The following SYNE2 variants were observed in gnomAD, a reference collection of about 807,000 sequenced individuals.
The protein encoded by SYNE2 is spectrin repeat containing nuclear envelope protein 2, also known as nesprin-2.
Under a neutral mutation model 856.3 loss-of-function variants are expected in SYNE2, and 431 were observed. The observed-to-expected ratio is 0.50, with a 90% CI of 0.47 to 0.55. The LOEUF (loss-of-function observed/expected upper bound fraction) is 0.55, where lower values mean the gene tolerates loss of function less well. Among genes scored for constraint, SYNE2 ranks in the 20% least tolerant of loss-of-function variants. The pLI is 0.00. For synonymous variants in SYNE2, 2,923 were observed against 2,872.3 expected (o/e 1.02, Z -0.56); for missense variants, 8,129 against 8,023.2 (o/e 1.01, Z -0.50).
At chr14:64,088,429 G>C (rs1244405308) in intron 58 of SYNE2, among the ~76,000 whole-genome samples, 1 of 152,132 alleles carries the variant, frequency 6.6e-6, no homozygotes, top group East Asian at 1.9e-4. Flanking sequence ...AAATACTACT[G>C]ATTTTTAAAT....
At chr14:64,167,724 T>A (rs2098388540) in intron 92 of SYNE2, 85 bp downstream of exon 92, 3 of 1,580,196 alleles carry the variant, frequency 1.9e-6, no homozygotes, top group Non-Finnish European at 2.6e-6. Context: ...ACACAGGGAG[T>A]GTACCTATCA....
chr14:64,070,884 T>C lies in SYNE2; in HGVS notation c.10671T>C (p.Ile3557=). 6.2e-7 allele frequency: 1 copy of C among 1,614,180 alleles called. No homozygotes were observed. ...AVETVPAFQE[I]TSMKERCNKL... ...AAACTGTTCCAGCATTTCAAGAAAT[T>C]ACTTCTATGAAAGAACGATGCAACA... is the stretch of plus-strand genomic sequence containing the variant. Residue 3557 remains isoleucine (I), a synonymous_variant, in exon 52 of 116, where the codon ATT becomes ATC. Transcript: ENST00000555002.
At chr14:63,821,564 G>A (rs1053060233) in intron 1 of SYNE2, among the ~76,000 whole-genome samples, 7 of 151,668 alleles carry the variant, frequency 4.6e-5, no homozygotes, top group African/African-American at 7.3e-5. Flanking sequence ...GACCAGCCTG[G>A]CCAACATGGT....
intron 1 of SYNE2, among the ~76,000 whole-genome samples, chr14:63,855,346 A>C (rs35168922): frequency 6.6e-6 from 1 of 152,058 alleles, no homozygotes; most frequent in African/African-American, 2.4e-5. Context: ...TTGGCTTCCT[A>C]TGTCTCTCTG....
intron 103 of SYNE2, 104 bp downstream of exon 103, chr14:64,210,228 CT>C: frequency 7.2e-7 from 1 of 1,396,924 alleles, no homozygotes; most frequent in Non-Finnish European, 9.7e-7. Context: ...GAAGGTTTCA[CT>C]TCAGGCCTGA....
chr14:64,078,681 G>C, intron 55 of SYNE2, 75 bp downstream of exon 55: 3 of 1,553,826 alleles, frequency 1.9e-6, no homozygotes, highest in Non-Finnish European at 2.7e-6. Context: ...AGTCACCACA[G>C]GGTGAGTTCT....
intron 7 of SYNE2, among the ~76,000 whole-genome samples, chr14:63,952,123 C>T (rs2096171485): frequency 6.6e-6 from 1 of 152,158 alleles, no homozygotes; most frequent in African/African-American, 2.4e-5. Flanking sequence ...ATGAATCAGG[C>T]CCCGTTCTCC....
intron 80 of SYNE2, among the ~76,000 whole-genome samples, chr14:64,140,843 G>T (rs1389788004): frequency 6.6e-6 from 1 of 151,534 alleles, no homozygotes; most frequent in East Asian, 1.9e-4. Flanking sequence ...ATTACAAAAT[G>T]ATTATTGGTC....
intron 89 of SYNE2, among the ~76,000 whole-genome samples, chr14:64,164,066 C>T (rs2098352653): frequency 6.6e-6 from 1 of 151,414 alleles, no homozygotes; most frequent in Non-Finnish European, 1.5e-5. Flanking sequence ...ACTACAGGCA[C>T]CCACCACCAC....
At chr14:64,084,340 C>T (rs1220854152) in intron 57 of SYNE2, 2 of 152,212 alleles carry the variant, frequency 1.3e-5, no homozygotes, top group Non-Finnish European at 2.9e-5. Flanking sequence ...TAACCACCAC[C>T]GCCATCAATA....
intron 1 of SYNE2, among the ~76,000 whole-genome samples, chr14:63,905,061 T>C (rs2095390816): frequency 2.6e-5 from 4 of 152,226 alleles, no homozygotes; most frequent in Admixed American, 2.6e-4. Context: ...ATTTATTGAA[T>C]AGGGAGTCAT....
At position 63,858,258 on chromosome 14, in the gene SYNE2, C is replaced by T. The variant is rs559682531; in HGVS notation, c.-52+5115C>T. Among the ~76,000 whole-genome samples, 9 of 131,976 alleles carry T rather than the reference C, an allele frequency of 6.8e-5. No individual in the cohort carries two copies. The East Asian group carries it at 6.9e-4, about 10-fold the overall frequency. The allele number at this position is 131,976 out of a possible 152,430, so 86.6% of individuals were successfully genotyped here. A position where few individuals can be genotyped will look rare whatever the true frequency, so the allele number is the denominator to read the frequency against. On this transcript the variant is annotated intron_variant, in intron 1 of 115. Coordinates refer to ENST00000555002, the MANE Select transcript of SYNE2 (RefSeq NM_182914.3). ...GGATTACAGGTGTGCGTCTCCACAC[C>T]GGCCTTTTTTTTTTTTTTTTTTTTT...
At chr14:63,980,782 A>T in intron 15 of SYNE2, 50 bp downstream of exon 15, 1 of 1,309,168 alleles carries the variant, frequency 7.6e-7, no homozygotes, top group South Asian at 1.2e-5. Context: ...CTTAACAGTG[A>T]TGTTTTATCT....
intron 45 of SYNE2, among the ~76,000 whole-genome samples, chr14:64,038,781 C>G (rs890512945): frequency 3.3e-5 from 5 of 152,216 alleles, no homozygotes; most frequent in African/African-American, 7.2e-5. Flanking sequence ...GCAGTGAGCC[C>G]AGATGGCAGC....
At chr14:63,982,908 C>A in intron 17 of SYNE2, 114 bp downstream of exon 17, 1 of 1,050,532 alleles carries the variant, frequency 9.5e-7, no homozygotes, top group Non-Finnish European at 1.4e-6. Flanking sequence ...GTTACGTAGC[C>A]ATTACCATAA....
rs761001329 is a variant in SYNE2 at position 64,070,855 on chromosome 14, G to A, written c.10642G>A (p.Val3548Met). ...GAATGTTCCTGAAAGCTCAGGGGCTGTGGAAACTGTTCCAGCATTTCAAGA... is the reference window on the plus strand; with the variant it reads ...GAATGTTCCTGAAAGCTCAGGGGCTATGGAAACTGTTCCAGCATTTCAAGA... ...IQNVPESSGA[V>M]ETVPAFQEIT... is the part of the protein sequence containing the mutation. The change falls in exon 52 of 116, where the codon GTG becomes ATG. Residue 3548 changes from valine to methionine, a missense_variant. Transcript: ENST00000555002. 2.5e-6 allele frequency: 4 copies of A among 1,614,056 alleles called. No homozygotes were observed. The highest frequency in any genetic ancestry group is 4.5e-5 in the East Asian group (2 of 44,894).
chr14:63,889,977 CTG>C (rs1252871967), intron 1 of SYNE2, among the ~76,000 whole-genome samples: 1 of 151,562 alleles, frequency 6.6e-6, no homozygotes, highest in Admixed American at 6.6e-5. Context: ...CTTGGCCTCT[CTG>C]TGTAGTATTC....
At chr14:64,116,758 T>A (rs2097856470) in intron 66 of SYNE2, among the ~76,000 whole-genome samples, 1 of 151,894 alleles carries the variant, frequency 6.6e-6, no homozygotes, top group Non-Finnish European at 1.5e-5. Flanking sequence ...TAATCCCAAA[T>A]GAGAAAAATA....
intron 1 of SYNE2, among the ~76,000 whole-genome samples, chr14:63,882,039 G>A (rs1450589038): frequency 6.6e-6 from 1 of 152,174 alleles, no homozygotes; most frequent in African/African-American, 2.4e-5. Context: ...GTCGTGCTTT[G>A]TGTGAATTAT....
Sources: gnomAD v4.1 joint callset for allele counts (sites outside exome capture counted in the v4.1 genomes callset) on GRCh38, gnomAD v4.1.1 for gene constraint, MANE v1.5 for transcripts, NCBI Gene and HGNC (gene_info 2026-07-23, HGNC 2026-07-21) for gene names.